CCDC57: variants seen among roughly 807,000 people sequenced by gnomAD.
The protein encoded by CCDC57 is coiled-coil domain containing 57.
CCDC57 carries 118 observed loss-of-function variants against 118.9 expected under a neutral mutation model. The observed-to-expected ratio is 0.99, with a 90% CI of 0.86 to 1.16. The LOEUF (loss-of-function observed/expected upper bound fraction) is 1.16. Among genes scored for constraint, CCDC57 ranks in the 50% most tolerant of loss-of-function variants. CCDC57 has a pLI of 0.00. For missense variants in CCDC57, 1,300 were observed against 1,320.7 expected (o/e 0.98, Z 0.24); for synonymous variants, 527 against 532.9 (o/e 0.99, Z 0.15).
chr17:82,193,157 C>T (rs2047879872), intron 7 of CCDC57, among the ~76,000 whole-genome samples: 1 of 152,188 alleles, frequency 6.6e-6, no homozygotes, highest in Non-Finnish European at 1.5e-5. Flanking sequence ...CTCCCAGGCT[C>T]ACATGATCTT....
chr17:82,151,035 G>A (rs866872670), intron 16 of CCDC57, among the ~76,000 whole-genome samples: 26 of 63,464 alleles, frequency 4.1e-4, no homozygotes, highest in South Asian at 1.5e-3. Flanking sequence ...CCAGAACCTG[G>A]CGCACACCCA....
intron 16 of CCDC57, among the ~76,000 whole-genome samples, chr17:82,150,547 T>A (rs1352178952): frequency 7.9e-5 from 4 of 50,780 alleles, no homozygotes; most frequent in African/African-American, 1.7e-4. Flanking sequence ...ATCCAGAACC[T>A]GACCCACACC....
chr17:82,198,405 A>G (rs1404970388), exon 4 of CCDC57: 20 of 1,610,286 alleles, frequency 1.2e-5, no homozygotes, highest in Non-Finnish European at 1.6e-5. Context: ...GTGGTGGTCA[A>G]TCTCACCATT....
At chr17:82,148,747 A>G (rs1179288401) in intron 16 of CCDC57, among the ~76,000 whole-genome samples, 264 of 18,868 alleles carry the variant, frequency 0.014, no homozygotes, top group Middle Eastern at 0.056. Flanking sequence ...TGGGTGGGTG[A>G]ATGGGTGGGT....
chr17:82,209,470 T>C (rs1474290939), intron 1 of CCDC57, among the ~76,000 whole-genome samples: 2 of 152,242 alleles, frequency 1.3e-5, no homozygotes, highest in Middle Eastern at 3.4e-3. Flanking sequence ...TGTAATAAAC[T>C]CACAGGTTTT....
At chr17:82,173,969 G>C (rs1315814381) in intron 11 of CCDC57, among the ~76,000 whole-genome samples, 1 of 152,220 alleles carries the variant, frequency 6.6e-6, no homozygotes, top group African/African-American at 2.4e-5. Context: ...TGAACAACTA[G>C]AACACCAGAC....
exon 3 of CCDC57, chr17:82,201,702 G>A (rs1472079095): frequency 6.2e-7 from 1 of 1,613,946 alleles, no homozygotes; most frequent in Admixed American, 1.7e-5. Flanking sequence ...CCCACTCCCT[G>A]GCCTGGGCGA....
At chr17:82,188,126 C>CAGACAGG in intron 8 of CCDC57, 93 bp downstream of exon 7, 1 of 1,096,170 alleles carries the variant, frequency 9.1e-7, no homozygotes, top group Non-Finnish European at 1.3e-6. Flanking sequence ...TGCCTGGCCC[C>CAGACAGG]CTTTCCTGTG....
exon 19 of CCDC57, chr17:82,127,740 G>T: frequency 6.2e-7 from 1 of 1,611,546 alleles, no homozygotes; most frequent in South Asian, 1.1e-5. Context: ...CTGGATCCCA[G>T]GTCTAGCAAC....
In CCDC57 at chr17:82,118,706, G is replaced by A. The variant is rs80141223; in HGVS notation, c.2899+8986C>T. 1.6e-3 allele frequency among the ~76,000 whole-genome samples: 242 copies of A among 152,268 alleles called. No homozygotes were observed. The highest frequency in any genetic ancestry group is 5.2e-3 in the African/African-American group (216 of 41,562). ...TGGAACTGCCTTAGGGAGAGCTTCC[G>A]TCCGCACTGGGTGCCACTCAGTCTG... On this transcript the variant is annotated intron_variant, in intron 19 of 19. Coordinates refer to ENST00000665763, the Ensembl canonical transcript of CCDC57. This position sits in a 1 kb window ranked among gnomAD's most constrained non-coding sequence, Gnocchi z 4.7.
chr17:82,194,122 T>C, exon 6 of CCDC57: 1 of 1,613,394 alleles, frequency 6.2e-7, no homozygotes, highest in Non-Finnish European at 8.5e-7. Context: ...CCTCCAGCTC[T>C]TTGTGCAGTA....
In CCDC57 at chr17:82,126,452, T is replaced by C. The variant is rs954935414; in HGVS notation, c.2899+1240A>G. ...AAGGCCTAATTTCTATCACATATAA[T>C]GAGCTGCTACAAATCAATAAGAAAG... On this transcript the variant is annotated intron_variant, in intron 19 of 19. Transcript: ENST00000665763. 6 of 976,784 alleles carry C rather than the reference T, an allele frequency of 6.1e-6. No individual in the cohort carries two copies. In the African/African-American group the frequency reaches 1.1e-4, roughly 17 times the overall value. 60.5% of individuals were successfully genotyped at this position (976,784 alleles called of 1,614,324 possible).
chr17:82,163,147 T>C (rs553816293), intron 14 of CCDC57, 53 bp downstream of exon 13: 2 of 1,591,472 alleles, frequency 1.3e-6, no homozygotes, highest in South Asian at 2.3e-5. Flanking sequence ...CCACGCGCTC[T>C]CCCCCAGCAG....
chr17:82,105,340 C>T (rs567251853), intron 19 of CCDC57, among the ~76,000 whole-genome samples: 15 of 152,310 alleles, frequency 9.8e-5, no homozygotes, highest in African/African-American at 2.4e-4. Flanking sequence ...GGGGTCCTCA[C>T]GCACCCAAGA....
At chr17:82,186,243 A>G (rs1462751557) in intron 8 of CCDC57, among the ~76,000 whole-genome samples, 2 of 152,192 alleles carry the variant, frequency 1.3e-5, no homozygotes, top group Non-Finnish European at 2.9e-5. Context: ...CTACCAAAAT[A>G]ATACTGCATA....
At chr17:82,185,383 C>T (rs146605572) in intron 8 of CCDC57, among the ~76,000 whole-genome samples, 2,314 of 148,076 alleles carry the variant, frequency 0.016, 56 homozygotes, top group African/African-American at 0.052. Flanking sequence ...TTTGGGAGGC[C>T]GAGGCAGGCA....
At chr17:82,194,043 C>T (rs781142995) in exon 6 of CCDC57, 19 of 1,613,640 alleles carry the variant, frequency 1.2e-5, no homozygotes, top group Non-Finnish European at 1.6e-5. Flanking sequence ...AGCTTCCTCT[C>T]CAGCTCGGCG....
chr17:82,188,368 C>T lies in CCDC57; in HGVS notation c.903G>A (p.Ala301=), dbSNP rs375288305. ...GCTGCTCCACGTGGGCTCCCTTCAC[C>T]GCCACCAGCACTGCATCCTTCTCCC... The change falls in exon 8 of 20, where the codon GCG becomes GCA. Residue 301 remains alanine (A), a synonymous_variant. Transcript: ENST00000665763. The T allele has an allele frequency of 2.5e-5, 41 of 1,611,418 alleles. No individual in the cohort carries two copies. In the African/African-American group the frequency reaches 3.1e-4, roughly 12 times the overall value.
intron 19 of CCDC57, chr17:82,113,202 G>T: frequency 5.0e-6 from 3 of 597,978 alleles, no homozygotes; most frequent in Non-Finnish European, 8.9e-6. Context: ...AGAAGCCACA[G>T]GTCATGATAA....
Sources: gnomAD v4.1 joint callset for allele counts (sites outside exome capture counted in the v4.1 genomes callset) on GRCh38, gnomAD v4.1.1 for gene constraint, Gnocchi (gnomAD v3.1) non-coding constraint, MANE v1.5 for transcripts, NCBI Gene and HGNC (gene_info 2026-07-23, HGNC 2026-07-21) for gene names.